MAF: variants seen among roughly 807,000 people sequenced by gnomAD.
The protein encoded by MAF is transcription factor Maf.
In MAF, 10 loss-of-function variants were observed where a neutral mutation model predicts 22.0. The ratio of observed to expected loss-of-function variants is 0.45; its 90% CI spans 0.28 to 0.77. The LOEUF is 0.77. Among genes scored for constraint, MAF ranks in the 30% least tolerant of loss-of-function variants. MAF has a pLI of 0.12. For synonymous variants in MAF, 337 were observed against 255.8 expected (o/e 1.32, Z -3.03); for missense variants, 544 against 548.4 (o/e 0.99, Z 0.08).
chr16:79,225,221 A>C, the MAF span, among the ~76,000 whole-genome samples: 1 of 152,220 alleles, frequency 6.6e-6, no homozygotes, highest in Admixed American at 6.5e-5. Flanking sequence ...AACTACAACC[A>C]TCTGATCCTT....
the MAF span, among the ~76,000 whole-genome samples, chr16:79,414,974 T>C: frequency 6.6e-5 from 10 of 152,172 alleles, no homozygotes; most frequent in Non-Finnish European, 1.0e-4. Context: ...CCACAGGAAA[T>C]TCTGCACCAG....
At chr16:79,498,465 C>T in the MAF span, among the ~76,000 whole-genome samples, 1 of 152,210 alleles carries the variant, frequency 6.6e-6, no homozygotes, top group African/African-American at 2.4e-5. Flanking sequence ...CTTAGCTTGT[C>T]AGCAATGGGA....
At chr16:79,290,899 C>T in the MAF span, among the ~76,000 whole-genome samples, 1 of 152,090 alleles carries the variant, frequency 6.6e-6, no homozygotes, top group African/African-American at 2.4e-5. Context: ...CCAAAATGGC[C>T]TCAACCAGAC....
the MAF span, among the ~76,000 whole-genome samples, chr16:79,571,597 C>A: frequency 7.6e-6 from 1 of 132,122 alleles, no homozygotes; most frequent in Admixed American, 8.5e-5. Flanking sequence ...AAATGGGAAA[C>A]TGTTAAGGCA....
chr16:79,470,233 T>C, the MAF span, among the ~76,000 whole-genome samples: 1 of 152,346 alleles, frequency 6.6e-6, no homozygotes, highest in East Asian at 1.9e-4. Context: ...TTCCTTGAAA[T>C]GTCCCTTTCC....
chr16:79,322,575 G>A, the MAF span, among the ~76,000 whole-genome samples: 1 of 152,114 alleles, frequency 6.6e-6, no homozygotes, highest in East Asian at 1.9e-4. Flanking sequence ...GGGATAACAT[G>A]GGAAGCGGAA....
the MAF span, among the ~76,000 whole-genome samples, chr16:79,249,086 T>A: frequency 1.3e-5 from 2 of 152,106 alleles, no homozygotes; most frequent in African/African-American, 4.8e-5. Context: ...GTGGTAAGGT[T>A]ATGAGGGCTC....
At chr16:79,542,966 T>C in the MAF span, among the ~76,000 whole-genome samples, 4 of 152,222 alleles carry the variant, frequency 2.6e-5, no homozygotes, top group Non-Finnish European at 4.4e-5. Context: ...CAGGATTGCA[T>C]ATGTGTGTGC....
At chr16:79,413,601 A>G in the MAF span, among the ~76,000 whole-genome samples, 2 of 152,134 alleles carry the variant, frequency 1.3e-5, no homozygotes, top group Admixed American at 6.5e-5. Flanking sequence ...AACCAGGGAT[A>G]AAAATGAGAC....
the MAF span, among the ~76,000 whole-genome samples, chr16:79,259,128 C>A: frequency 6.6e-6 from 1 of 152,192 alleles, no homozygotes; most frequent in Non-Finnish European, 1.5e-5. Flanking sequence ...CGATGGCTTT[C>A]CATAGAATTA....
At chr16:79,446,098 G>C in the MAF span, among the ~76,000 whole-genome samples, 2 of 152,138 alleles carry the variant, frequency 1.3e-5, no homozygotes, top group Non-Finnish European at 2.9e-5. Context: ...AAGGAAAGCA[G>C]GGACGGGCAG....
the MAF span, among the ~76,000 whole-genome samples, chr16:79,216,322 A>T: frequency 6.6e-6 from 1 of 152,222 alleles, no homozygotes; most frequent in Non-Finnish European, 1.5e-5. Flanking sequence ...TATATGTGGC[A>T]CATGTGCATA....
the MAF span, among the ~76,000 whole-genome samples, chr16:79,525,211 T>C: frequency 3.3e-5 from 5 of 152,182 alleles, no homozygotes; most frequent in Admixed American, 3.3e-4. Flanking sequence ...TTTCATGAAA[T>C]TTTAATCAGG....
At chr16:79,536,906 G>T in the MAF span, among the ~76,000 whole-genome samples, 124 of 152,276 alleles carry the variant, frequency 8.1e-4, no homozygotes, top group African/African-American at 2.9e-3. Flanking sequence ...TTTTGGTATG[G>T]GAGGGGGGTC....
chr16:79,207,062 C>T, the MAF span, among the ~76,000 whole-genome samples: 1 of 152,158 alleles, frequency 6.6e-6, no homozygotes, highest in Non-Finnish European at 1.5e-5. Flanking sequence ...TGGTTATAGC[C>T]TCTCCTGGGG....
chr16:79,208,244 T>A, the MAF span, among the ~76,000 whole-genome samples: 21 of 152,326 alleles, frequency 1.4e-4, no homozygotes, highest in Non-Finnish European at 2.8e-4. Context: ...AAGATTCTTC[T>A]GGGCTTCCCA....
chr16:79,282,895 C>G, the MAF span, among the ~76,000 whole-genome samples: 1 of 152,114 alleles, frequency 6.6e-6, no homozygotes, highest in South Asian at 2.1e-4. Flanking sequence ...TCCAAAGGGT[C>G]CTATTTGCTT....
chr16:79,540,407 G>T, the MAF span, among the ~76,000 whole-genome samples: 8 of 152,164 alleles, frequency 5.3e-5, no homozygotes, highest in African/African-American at 1.9e-4. Flanking sequence ...TGATTCCAAC[G>T]CTTCAACCAC....
chr16:79,311,583 G>T, the MAF span, among the ~76,000 whole-genome samples: 1 of 152,014 alleles, frequency 6.6e-6, no homozygotes, highest in African/African-American at 2.4e-5. Context: ...GAGTATGAGG[G>T]GTGCTCAGCT....
Sources: allele counts gnomAD v4.1 joint callset (sites outside exome capture counted in the v4.1 genomes callset), GRCh38; gene constraint gnomAD v4.1.1; transcripts MANE v1.5; gene names NCBI Gene and HGNC (gene_info 2026-07-23, HGNC 2026-07-21).